Variants in PPARGC1A observed in about 807,000 individuals in gnomAD.
PPARGC1A encodes PPARG coactivator 1 alpha, also known as peroxisome proliferator-activated receptor gamma coactivator 1-alpha.
Under a neutral mutation model 88.7 loss-of-function variants are expected in PPARGC1A, and 25 were observed. The observed-to-expected ratio is 0.28, with a 90% CI of 0.21 to 0.39. PPARGC1A has a LOEUF of 0.39. Ranked by LOEUF, PPARGC1A falls within the 10% of genes least tolerant of loss-of-function variation. The probability of loss-of-function intolerance (pLI) is 1.00; values close to 1 mark genes in which losing one functional copy is unlikely to be tolerated. For synonymous variants in PPARGC1A, 363 were observed against 355.6 expected (o/e 1.02, Z -0.24); for missense variants, 880 against 968.7 (o/e 0.91, Z 1.22).
Position 23,871,562 on chromosome 4 carries a change from G to C in PPARGC1A, c.234+13190C>G, listed in dbSNP as rs559762647. Among the ~76,000 whole-genome samples the C allele has an allele frequency of 3.9e-5, 6 of 152,320 alleles. No individual in the cohort carries two copies. The East Asian group carries it at 5.8e-4, about 15-fold the overall frequency. The stretch of plus-strand genomic sequence containing the variant: ...GCTGAGATATGCAGCTCAGAGGAGA[G>C]AGCAGGGTGTCCCCGCTAAGTATGG... On this transcript the variant is annotated intron_variant, in intron 2 of 12. Transcript: ENST00000264867.
chr4:24,307,037 T>C, the PPARGC1A span, among the ~76,000 whole-genome samples: 1 of 152,236 alleles, frequency 6.6e-6, no homozygotes, highest in African/African-American at 2.4e-5. Flanking sequence ...TTAAGATTGA[T>C]GGGATATTCA....
the PPARGC1A span, among the ~76,000 whole-genome samples, chr4:24,098,087 T>C: frequency 6.6e-6 from 1 of 152,296 alleles, no homozygotes; most frequent in East Asian, 1.9e-4. Context: ...AGTCAAATGA[T>C]TTGGAAAGAA....
At chr4:23,846,061 G>C (rs1728255385) in intron 2 of PPARGC1A, among the ~76,000 whole-genome samples, 2 of 152,178 alleles carry the variant, frequency 1.3e-5, no homozygotes, top group South Asian at 4.1e-4. Context: ...GATTTTAAAA[G>C]TGAGTTTGAT....
rs374622304 is a variant in PPARGC1A, at chr4:23,847,388, C to G, written c.235-15637G>C. On this transcript the variant is annotated intron_variant, in intron 2 of 12. Coordinates refer to ENST00000264867, the MANE Select transcript of PPARGC1A (RefSeq NM_013261.5). The stretch of plus-strand genomic sequence containing the variant: ...GTCTTCTTTCCTGAGTCACAGTTCT[C>G]TCCTCCATTACCACTCATACCCTGT... 2.6e-5 allele frequency among the ~76,000 whole-genome samples: 4 copies of G among 152,194 alleles called. No homozygotes were observed. The East Asian group carries it at 5.8e-4, about 22-fold the overall frequency.
chr4:24,466,513 T>C, the PPARGC1A span, among the ~76,000 whole-genome samples: 1 of 152,178 alleles, frequency 6.6e-6, no homozygotes. Context: ...GCCTCATCTA[T>C]AAAATGGGAA....
chr4:23,913,140 CACAT>C, the PPARGC1A span, among the ~76,000 whole-genome samples: 3 of 142,182 alleles, frequency 2.1e-5, no homozygotes, highest in African/African-American at 7.5e-5. Context: ...TGTGCACACA[CACAT>C]ACACTCTCTC....
At chr4:24,396,729 AAC>A in the PPARGC1A span, among the ~76,000 whole-genome samples, 2 of 152,030 alleles carry the variant, frequency 1.3e-5, no homozygotes, top group South Asian at 2.1e-4. Context: ...TCACACTTCA[AAC>A]ACACAGCATC....
chr4:24,122,447 AG>A, the PPARGC1A span, among the ~76,000 whole-genome samples: 27 of 150,142 alleles, frequency 1.8e-4, no homozygotes, highest in African/African-American at 6.7e-4. Context: ...AGAGAGAGAG[AG>A]AGAGAGAGAG....
chr4:24,236,417 G>A, the PPARGC1A span, among the ~76,000 whole-genome samples: 19 of 152,316 alleles, frequency 1.2e-4, no homozygotes, highest in African/African-American at 4.1e-4. Flanking sequence ...GGGACCTGGT[G>A]CAGTACCTTA....
chr4:23,946,516 C>T, the PPARGC1A span, among the ~76,000 whole-genome samples: 1 of 151,784 alleles, frequency 6.6e-6, no homozygotes, highest in South Asian at 2.1e-4. Flanking sequence ...TTTCCCAGTG[C>T]CCAGCTCAAA....
At chr4:23,826,708 G>T (rs1191984659) in intron 5 of PPARGC1A, among the ~76,000 whole-genome samples, 1 of 152,082 alleles carries the variant, frequency 6.6e-6, no homozygotes, top group Admixed American at 6.6e-5. Flanking sequence ...CATAACTAAA[G>T]AATTTTGTCT....
the PPARGC1A span, among the ~76,000 whole-genome samples, chr4:24,099,730 G>T: frequency 6.6e-6 from 1 of 152,062 alleles, no homozygotes; most frequent in Non-Finnish European, 1.5e-5. Context: ...GTTGGGGAGG[G>T]GATGTGGGAT....
chr4:24,192,451 C>A, the PPARGC1A span, among the ~76,000 whole-genome samples: 2 of 152,176 alleles, frequency 1.3e-5, no homozygotes, highest in African/African-American at 4.8e-5. Flanking sequence ...GAACGGAAGA[C>A]CCTGCCAACT....
chr4:24,044,011 A>G, the PPARGC1A span, among the ~76,000 whole-genome samples: 1 of 152,168 alleles, frequency 6.6e-6, no homozygotes, highest in African/African-American at 2.4e-5. Context: ...CATGTAGATC[A>G]ATGTGGCCTG....
chr4:24,315,834 T>G, the PPARGC1A span, among the ~76,000 whole-genome samples: 2 of 152,310 alleles, frequency 1.3e-5, no homozygotes, highest in South Asian at 4.2e-4. Context: ...TCGCATCATT[T>G]GTAGATTAGA....
intron 2 of PPARGC1A, among the ~76,000 whole-genome samples, chr4:23,860,665 A>G (rs1731090761): frequency 6.6e-6 from 1 of 152,242 alleles, no homozygotes; most frequent in Non-Finnish European, 1.5e-5. Flanking sequence ...GATTACAAGC[A>G]ATGCTATTGT....
chr4:24,325,658 C>T, the PPARGC1A span, among the ~76,000 whole-genome samples: 1 of 152,196 alleles, frequency 6.6e-6, no homozygotes, highest in Non-Finnish European at 1.5e-5. Flanking sequence ...GACTCCTTCT[C>T]GGCTTAGCGG....
chr4:24,115,678 C>T, the PPARGC1A span, among the ~76,000 whole-genome samples: 1 of 152,110 alleles, frequency 6.6e-6, no homozygotes, highest in African/African-American at 2.4e-5. Context: ...ACCAGAAATG[C>T]AATCGTTTTC....
chr4:24,421,389 C>T, the PPARGC1A span, among the ~76,000 whole-genome samples: 2 of 151,110 alleles, frequency 1.3e-5, no homozygotes, highest in Non-Finnish European at 2.9e-5. Context: ...CAGCTCACTG[C>T]AAGCTCCGCC....
Sources: allele counts gnomAD v4.1 joint callset (sites outside exome capture counted in the v4.1 genomes callset), GRCh38; gene constraint gnomAD v4.1.1; transcripts MANE v1.5; gene names NCBI Gene and HGNC (gene_info 2026-07-23, HGNC 2026-07-21).